Variants in AKAP19 observed in about 807,000 individuals in gnomAD.
AKAP19 encodes small A-kinase anchoring protein.
the AKAP19 span, among the ~76,000 whole-genome samples, chr2:189,964,148 A>C: frequency 2.0e-5 from 3 of 152,224 alleles, no homozygotes; most frequent in African/African-American, 7.2e-5. Context: ...ATGGGCATGA[A>C]AGCAACATTA....
the AKAP19 span, chr2:190,200,055 G>A: frequency 6.2e-7 from 1 of 1,614,078 alleles, no homozygotes; most frequent in South Asian, 1.1e-5. Context: ...CACACCGCCT[G>A]TCTCAGGATA....
the AKAP19 span, among the ~76,000 whole-genome samples, chr2:190,010,109 TAAAAC>T: frequency 8.5e-5 from 13 of 152,072 alleles, no homozygotes; most frequent in African/African-American, 2.4e-4. Flanking sequence ...TTGTAAGAAA[TAAAAC>T]AAAACAAAAA....
At chr2:190,040,622 C>T in the AKAP19 span, among the ~76,000 whole-genome samples, 1 of 152,022 alleles carries the variant, frequency 6.6e-6, no homozygotes, top group Non-Finnish European at 1.5e-5. Flanking sequence ...ATGGTATTGT[C>T]TAGTTTGTCT....
chr2:190,089,734 A>C, the AKAP19 span: 1 of 152,144 alleles, frequency 6.6e-6, no homozygotes, highest in African/African-American at 2.4e-5. Context: ...ACATTCAGCA[A>C]AGTGTTACTC....
chr2:190,199,808 T>C, the AKAP19 span: 2 of 1,582,226 alleles, frequency 1.3e-6, no homozygotes, highest in East Asian at 2.2e-5. Context: ...TTTCTAAAGA[T>C]GGCCTGGAAG....
At chr2:190,068,537 G>T in the AKAP19 span, among the ~76,000 whole-genome samples, 1 of 152,124 alleles carries the variant, frequency 6.6e-6, no homozygotes, top group East Asian at 1.9e-4. Flanking sequence ...TGCCATGTTG[G>T]CTAGGCTGGT....
the AKAP19 span, among the ~76,000 whole-genome samples, chr2:189,974,629 CTAGG>C: frequency 6.6e-6 from 1 of 151,806 alleles, no homozygotes; most frequent in African/African-American, 2.4e-5. Context: ...TCTTTGGTCT[CTAGG>C]TCTCTAAGGA....
the AKAP19 span, among the ~76,000 whole-genome samples, chr2:190,150,931 G>A: frequency 3.3e-3 from 507 of 152,184 alleles, 2 homozygotes; most frequent in African/African-American, 0.012. Flanking sequence ...TTTTATTGGT[G>A]AAGTTTAGCA....
chr2:190,194,479 C>CAT, the AKAP19 span, among the ~76,000 whole-genome samples: 1 of 52,862 alleles, frequency 1.9e-5, no homozygotes, highest in Non-Finnish European at 3.3e-5. Flanking sequence ...CCTGTGTATA[C>CAT]ACACACACAC....
the AKAP19 span, among the ~76,000 whole-genome samples, chr2:190,090,605 C>A: frequency 6.6e-6 from 1 of 152,192 alleles, no homozygotes; most frequent in African/African-American, 2.4e-5. Flanking sequence ...ACCAAGTTAG[C>A]TGCCATAGCT....
At chr2:189,932,818 CTCCT>C in the AKAP19 span, among the ~76,000 whole-genome samples, 4 of 151,606 alleles carry the variant, frequency 2.6e-5, no homozygotes, top group East Asian at 7.7e-4. Flanking sequence ...CTGAATATGT[CTCCT>C]GGTAAAAATG....
chr2:190,075,277 A>T, the AKAP19 span, among the ~76,000 whole-genome samples: 3 of 152,098 alleles, frequency 2.0e-5, no homozygotes, highest in Non-Finnish European at 4.4e-5. Context: ...ATCATTTTAC[A>T]TTTATTAAAA....
chr2:190,049,476 TA>T, the AKAP19 span, among the ~76,000 whole-genome samples: 1 of 152,230 alleles, frequency 6.6e-6, no homozygotes, highest in African/African-American at 2.4e-5. Flanking sequence ...TGATTAAAAT[TA>T]AATATAATCA....
the AKAP19 span, among the ~76,000 whole-genome samples, chr2:190,079,770 C>A: frequency 1.3e-5 from 2 of 151,798 alleles, no homozygotes; most frequent in African/African-American, 4.8e-5. Flanking sequence ...GAGATTGGGC[C>A]ACTGCACTCC....
the AKAP19 span, among the ~76,000 whole-genome samples, chr2:190,029,524 G>C: frequency 0.034 from 5,209 of 152,218 alleles, 285 homozygotes; most frequent in African/African-American, 0.11. Flanking sequence ...ATGATACATT[G>C]TTGAGTGAAA....
At chr2:189,946,812 C>G in the AKAP19 span, among the ~76,000 whole-genome samples, 1 of 152,184 alleles carries the variant, frequency 6.6e-6, no homozygotes, top group African/African-American at 2.4e-5. Flanking sequence ...AGAAAGCTAG[C>G]TTTCCCTGAT....
the AKAP19 span, among the ~76,000 whole-genome samples, chr2:189,887,763 C>T: frequency 2.6e-5 from 4 of 151,956 alleles, no homozygotes; most frequent in African/African-American, 9.7e-5. Context: ...ACATAAATGT[C>T]TTCTTTTGAG....
chr2:190,122,995 A>G, the AKAP19 span, among the ~76,000 whole-genome samples: 1 of 151,872 alleles, frequency 6.6e-6, no homozygotes, highest in Non-Finnish European at 1.5e-5. Context: ...ATTTTTTTGT[A>G]GAGACAAGAT....
At chr2:189,887,990 G>C in the AKAP19 span, among the ~76,000 whole-genome samples, 1 of 152,050 alleles carries the variant, frequency 6.6e-6, no homozygotes, top group African/African-American at 2.4e-5. Flanking sequence ...TTTGGCTTTT[G>C]TTGCCATTGC....
Sources: gnomAD v4.1 joint callset for allele counts (sites outside exome capture counted in the v4.1 genomes callset) on GRCh38, gnomAD v4.1.1 for gene constraint, MANE v1.5 for transcripts, NCBI Gene and HGNC (gene_info 2026-07-23, HGNC 2026-07-21) for gene names.